Variants in ALMS1 observed in about 807,000 individuals in gnomAD.
ALMS1 encodes the protein ALMS1 centrosome and basal body associated protein.
ALMS1 carries 271 observed loss-of-function variants against 352.2 expected under a neutral mutation model. The ratio of observed to expected loss-of-function variants is 0.77; its 90% CI spans 0.70 to 0.85. ALMS1 has a LOEUF of 0.85. Among genes scored for constraint, ALMS1 ranks in the 40% least tolerant of loss-of-function variants. The pLI is 0.00. For synonymous variants in ALMS1, 1,865 were observed against 1,761.2 expected (o/e 1.06, Z -1.48); for missense variants, 5,445 against 4,870.7 (o/e 1.12, Z -3.51).
chr2:73,517,423 T>TA (rs1558678150), intron 10 of ALMS1, among the ~76,000 whole-genome samples: 1 of 151,574 alleles, frequency 6.6e-6, no homozygotes, highest in Non-Finnish European at 1.5e-5. Context: ...CTATTTTTTT[T>TA]ATGTTTTGTA....
At chr2:73,399,899 C>A (rs1178357739) in intron 1 of ALMS1, among the ~76,000 whole-genome samples, 1 of 145,516 alleles carries the variant, frequency 6.9e-6, no homozygotes, top group Non-Finnish European at 1.5e-5. Context: ...TGTGGTTTTT[C>A]TTCTAAAGCT....
chr2:73,547,762 A>G (rs1012023762), intron 12 of ALMS1, among the ~76,000 whole-genome samples: 1 of 152,198 alleles, frequency 6.6e-6, no homozygotes, highest in African/African-American at 2.4e-5. Context: ...GAAATGGTTT[A>G]TAGATGGGAA....
chr2:73,601,251 G>T lies in ALMS1; in HGVS notation c.11929G>T (p.Val3977Leu), dbSNP rs185423930. ...NVESRSKKEN[V>L]PNTCGPGISW... is the part of the protein sequence containing the mutation. ...GGAGTCTAGATCAAAGAAGGAAAAC[G>T]TGCCTAACACTTGTGGCCCTGGCAT... Residue 3977 changes from valine (V) to leucine (L), a missense_variant, in exon 19 of 23, where the codon GTG becomes TTG. Val to Leu is a conservative substitution (Grantham distance 32, BLOSUM62 1). Transcript: ENST00000613296. 1 of 1,614,216 alleles carries T rather than the reference G, an allele frequency of 6.2e-7. No homozygotes were observed. The highest frequency in any genetic ancestry group is 1.7e-5 in the Admixed American group (1 of 60,028).
At chr2:73,423,971 T>A (rs1433051835) in intron 4 of ALMS1, among the ~76,000 whole-genome samples, 1 of 152,070 alleles carries the variant, frequency 6.6e-6, no homozygotes, top group African/African-American at 2.4e-5. Context: ...AGAGATAGGG[T>A]CTTGCCGTAT....
Position 73,449,290 on chromosome 2 carries a change from C to A in ALMS1, c.2763C>A (p.Thr921=). The A allele has an allele frequency of 6.2e-7, 1 of 1,613,924 alleles. No individual in the cohort carries two copies. Among genetic ancestry groups the A allele is most frequent in the South Asian group, 1.1e-5 (1 of 91,074 alleles). The part of the protein sequence containing the change: ...REKPIIFSQQ[T]LPDFLFPEEA... ...AGCCCATTATTTTTTCCCAGCAGACCCTGCCAGACTTTCTTTTCCCTGAAG... is the reference window on the plus strand; with the variant it reads ...AGCCCATTATTTTTTCCCAGCAGACACTGCCAGACTTTCTTTTCCCTGAAG... The change falls in exon 8 of 23, where the codon ACC becomes ACA. Residue 921 remains threonine, a synonymous_variant. Coordinates refer to ENST00000613296, the MANE Select transcript of ALMS1 (RefSeq NM_001378454.1).
chr2:73,532,885 C>T (rs1413573091), intron 11 of ALMS1, among the ~76,000 whole-genome samples: 1 of 152,214 alleles, frequency 6.6e-6, no homozygotes, highest in Non-Finnish European at 1.5e-5. Flanking sequence ...CAGGTGAGTA[C>T]TGCCTGGCTA....
At chr2:73,455,785 AT>A (rs1672047637) in intron 9 of ALMS1, among the ~76,000 whole-genome samples, 1 of 152,156 alleles carries the variant, frequency 6.6e-6, no homozygotes, top group East Asian at 1.9e-4. Context: ...TTCCAAATTC[AT>A]ATTTTGAAAA....
At chr2:73,405,901 T>C (rs1442779925) in intron 1 of ALMS1, among the ~76,000 whole-genome samples, 1 of 152,242 alleles carries the variant, frequency 6.6e-6, no homozygotes, top group Non-Finnish European at 1.5e-5. Context: ...AGTTTCATTC[T>C]GTTGTGATCA....
rs1446885969 is a variant in ALMS1 at position 73,453,722 on chromosome 2, A to G, written c.7195A>G (p.Ile2399Val). Residue 2399 changes from isoleucine to valine, a missense_variant, in exon 8 of 23, where the codon ATT becomes GTT. Ile to Val is a conservative substitution (Grantham distance 29). Coordinates refer to ENST00000613296, the MANE Select transcript of ALMS1 (RefSeq NM_001378454.1). ...RSEPEGCSGT[I>V]GNKIIIPMMT... ...TGAACCTGAAGGGTGTAGTGGAACC[A>G]TTGGGAATAAAATTATTATCCCTAT... 1 of 1,614,078 alleles carries G rather than the reference A, an allele frequency of 6.2e-7. No homozygotes were observed. Among genetic ancestry groups the G allele is most frequent in the Non-Finnish European group, 8.5e-7 (1 of 1,180,026 alleles).
Position 73,521,536 on chromosome 2 carries a change from A to G in ALMS1, c.9781+1520A>G, listed in dbSNP as rs532745109. On this transcript the variant is annotated intron_variant, in intron 11 of 22. Transcript: ENST00000613296. The stretch of plus-strand genomic sequence containing the variant: ...CAGATCACGAGGTCAGGAGATCGAG[A>G]CCGTCCTGGCTAACACAATGAAACC... Among the ~76,000 whole-genome samples the G allele has an allele frequency of 2.0e-5, 3 of 150,142 alleles. No homozygotes were observed. The South Asian group carries it at 6.4e-4, about 32-fold the overall frequency.
chr2:73,474,906 C>G (rs181356668), intron 9 of ALMS1, among the ~76,000 whole-genome samples: 12 of 152,216 alleles, frequency 7.9e-5, no homozygotes, highest in African/African-American at 2.4e-4. Context: ...CCCTCTCCCC[C>G]AATTCCCTAG....
At chr2:73,463,246 A>C (rs1672247650) in intron 9 of ALMS1, among the ~76,000 whole-genome samples, 1 of 152,218 alleles carries the variant, frequency 6.6e-6, no homozygotes, top group Non-Finnish European at 1.5e-5. Context: ...ATTATAACAA[A>C]CTATCTCTCA....
intron 16 of ALMS1, among the ~76,000 whole-genome samples, chr2:73,579,698 T>G (rs1049888092): frequency 3.3e-5 from 5 of 152,204 alleles, no homozygotes; most frequent in Admixed American, 1.3e-4. Flanking sequence ...ATTTCAAATA[T>G]GTCATTTCAC....
intron 10 of ALMS1, among the ~76,000 whole-genome samples, chr2:73,508,630 G>T (rs1359455334): frequency 6.6e-6 from 1 of 152,114 alleles, no homozygotes; most frequent in Non-Finnish European, 1.5e-5. Flanking sequence ...GTCAATTTTA[G>T]AATAAGTGCT....
chr2:73,512,359 A>AG (rs1673470383), intron 10 of ALMS1, among the ~76,000 whole-genome samples: 1 of 150,770 alleles, frequency 6.6e-6, no homozygotes, highest in South Asian at 2.1e-4. Context: ...CTGGGATTAC[A>AG]GGCGTAAGCT....
intron 6 of ALMS1, among the ~76,000 whole-genome samples, chr2:73,430,077 CTTT>C (rs541160037): frequency 2.9e-5 from 4 of 140,106 alleles, no homozygotes; most frequent in Non-Finnish European, 4.7e-5. Context: ...GTATTACCTA[CTTT>C]TTTTTTTTTT....
chr2:73,477,954 A>C (rs1672615789), intron 9 of ALMS1, among the ~76,000 whole-genome samples: 1 of 152,120 alleles, frequency 6.6e-6, no homozygotes, highest in Admixed American at 6.6e-5. Context: ...AGATGTCTTT[A>C]ATTTCTAACC....
At chr2:73,561,980 A>G (rs1463200602) in intron 15 of ALMS1, among the ~76,000 whole-genome samples, 1 of 152,160 alleles carries the variant, frequency 6.6e-6, no homozygotes, top group African/African-American at 2.4e-5. Flanking sequence ...AACAAAATGA[A>G]ATGAAAAAAA....
intron 2 of ALMS1, among the ~76,000 whole-genome samples, chr2:73,418,348 C>T (rs982295331): frequency 3.3e-5 from 5 of 152,124 alleles, no homozygotes; most frequent in Admixed American, 6.5e-5. Context: ...AGCCAGGGAT[C>T]GTTTAGAAAC....
Sources: gnomAD v4.1 joint callset for allele counts (sites outside exome capture counted in the v4.1 genomes callset) on GRCh38, gnomAD v4.1.1 for gene constraint, MANE v1.5 for transcripts, NCBI Gene and HGNC (gene_info 2026-07-23, HGNC 2026-07-21) for gene names.